RIF1: variants seen among roughly 807,000 people sequenced by gnomAD.
RIF1 encodes the protein replication timing regulatory factor 1.
In RIF1, 45 loss-of-function variants were observed where a neutral mutation model predicts 247.1. That is an observed-to-expected ratio of 0.18 (90% CI 0.14 to 0.23). The LOEUF (loss-of-function observed/expected upper bound fraction) is 0.23, where lower values mean the gene tolerates loss of function less well. Among genes scored for constraint, RIF1 ranks in the 10% least tolerant of loss-of-function variants. The pLI is 1.00. For missense variants in RIF1, 2,967 were observed against 2,862.5 expected, an observed-to-expected ratio of 1.04 and a Z score of -0.83; for synonymous variants, 1,087 against 978.8, an observed-to-expected ratio of 1.11 and a Z score of -2.06.
intron 7 of RIF1, among the ~76,000 whole-genome samples, chr2:151,420,899 C>T (rs1276217529): frequency 6.6e-6 from 1 of 152,116 alleles, no homozygotes; most frequent in Admixed American, 6.6e-5. Context: ...TGCTAAAATC[C>T]AGACATTTTA....
intron 33 of RIF1, among the ~76,000 whole-genome samples, chr2:151,469,457 A>T (rs1267782520): frequency 6.6e-6 from 1 of 152,184 alleles, no homozygotes; most frequent in African/African-American, 2.4e-5. Flanking sequence ...CTTAAGAATT[A>T]TCTATTAATG....
chr2:151,412,278 A>G (rs1195896950), intron 3 of RIF1, among the ~76,000 whole-genome samples: 2 of 149,388 alleles, frequency 1.3e-5, no homozygotes, highest in Non-Finnish European at 3.0e-5. Context: ...TCTCATTTTT[A>G]TGACCTTGTT....
rs190639551 is a variant in RIF1 at position 151,413,682 on chromosome 2, C to G, written c.184-1141C>G. On this transcript the variant is annotated intron_variant, in intron 3 of 35. Transcript: ENST00000444746. ...GTATTAAGCCTTACTTAGTTGCTTACAACTGGTTGCTGTGCTATATCCCTT... is the reference window on the plus strand; with the variant it reads ...GTATTAAGCCTTACTTAGTTGCTTAGAACTGGTTGCTGTGCTATATCCCTT... 3.2e-3 allele frequency among the ~76,000 whole-genome samples: 494 copies of G among 152,340 alleles called. 4 individuals carry two copies. Among genetic ancestry groups the G allele is most frequent in the African/African-American group, 0.011 (468 of 41,586 alleles).
chr2:151,511,898 A>G (rs1329428650), downstream of RIF1, among the ~76,000 whole-genome samples: 1 of 152,192 alleles, frequency 6.6e-6, no homozygotes, highest in Non-Finnish European at 1.5e-5. Flanking sequence ...AAGCCACATC[A>G]TAAGAGATTT....
chr2:151,410,673 C>CG (rs1573815810), intron 2 of RIF1, 146 bp downstream of exon 2: 8 of 672,506 alleles, frequency 1.2e-5, no homozygotes, highest in Admixed American at 2.6e-5. Context: ...CCTTGGGGGG[C>CG]GGGGGAGATG....
the RIF1 span, chr2:151,524,317 G>A: frequency 6.2e-7 from 1 of 1,613,534 alleles, no homozygotes; most frequent in East Asian, 2.2e-5. Context: ...TTACCTGGCT[G>A]CTCAGCTTGG....
chr2:151,459,936 T>C, intron 25 of RIF1, 64 bp from the exon 26 acceptor site: 1 of 1,323,814 alleles, frequency 7.6e-7, no homozygotes, highest in South Asian at 1.4e-5. Context: ...TTTCAAAACG[T>C]GAAAAGGAAA....
At chr2:151,505,778 C>A (rs2068365417) in intron 12 of RIF1, among the ~76,000 whole-genome samples, 1 of 152,132 alleles carries the variant, frequency 6.6e-6, no homozygotes, top group Non-Finnish European at 1.5e-5. Flanking sequence ...GTCTCTCTCT[C>A]GTCTCTTTGG....
At chr2:151,446,646 A>G (rs1693319927) in intron 20 of RIF1, 71 bp downstream of exon 20, 6 of 1,461,398 alleles carry the variant, frequency 4.1e-6, no homozygotes, top group African/African-American at 1.4e-5. Context: ...TGGAGATAAT[A>G]TTTGTGAACT....
intron 3 of RIF1, among the ~76,000 whole-genome samples, chr2:151,413,756 T>G (rs558614090): frequency 8.5e-5 from 13 of 152,338 alleles, no homozygotes; most frequent in African/African-American, 3.1e-4. Flanking sequence ...TTTGTAAATA[T>G]AGAAGACACT....
intron 9 of RIF1, among the ~76,000 whole-genome samples, chr2:151,432,828 A>C (rs1351748848): frequency 6.6e-6 from 1 of 152,182 alleles, no homozygotes; most frequent in African/African-American, 2.4e-5. Flanking sequence ...CCCGGCACAC[A>C]ATATCTAATA....
chr2:151,457,657 G>A lies in RIF1; in HGVS notation c.2653-104G>A, dbSNP rs1172867424. On this transcript the variant is annotated intron_variant, in intron 23 of 35. Coordinates refer to ENST00000444746, the MANE Select transcript of RIF1 (RefSeq NM_018151.5). ...GATATATATTTAAGGCAACAGTGGGGGTTAGTTTAAAATTGTCTTAATTTT... is the reference window on the plus strand; with the variant it reads ...GATATATATTTAAGGCAACAGTGGGAGTTAGTTTAAAATTGTCTTAATTTT... 8.0e-6 allele frequency: 6 copies of A among 748,738 alleles called. No homozygotes were observed. In the Admixed American group the frequency reaches 1.3e-4, roughly 16 times the overall value. 46.4% of individuals were successfully genotyped at this position (748,738 alleles called of 1,614,324 possible).
downstream of RIF1, among the ~76,000 whole-genome samples, chr2:151,509,127 TA>T (rs1559371156): frequency 6.6e-6 from 1 of 152,194 alleles, no homozygotes; most frequent in Non-Finnish European, 1.5e-5. Context: ...ATTACATTTA[TA>T]AGTATTGAAA....
chr2:151,514,894 T>A, the RIF1 span: 1 of 1,583,336 alleles, frequency 6.3e-7, no homozygotes, highest in South Asian at 1.2e-5. Flanking sequence ...GTTTCTGCCT[T>A]TAATGGACTC....
At chr2:151,451,937 C>G (rs1694382484) in intron 21 of RIF1, among the ~76,000 whole-genome samples, 1 of 152,098 alleles carries the variant, frequency 6.6e-6, no homozygotes. Context: ...TTTCTTTACT[C>G]CTTTTTACAA....
rs1482126650 is a variant in RIF1, at chr2:151,465,726, A to T, written c.6206A>T (p.Asp2069Val). 1 of 1,614,234 alleles carries T rather than the reference A, an allele frequency of 6.2e-7. No homozygotes were observed. Among genetic ancestry groups the T allele is most frequent in the Admixed American group, 1.7e-5 (1 of 60,026 alleles). Residue 2069 changes from aspartate to valine, a missense_variant, in exon 30 of 36, where the codon GAC (aspartate) becomes GTC (valine). Asp to Val is a radical substitution (Grantham distance 152). Transcript: ENST00000444746. ...LTAEMDNFVC[D>V]TVEMSTEEGI... ...GCAGAAATGGACAACTTTGTTTGTG[A>T]CACAGTTGAAATGAGCACTGAAGAA...
chr2:151,519,828 G>A, the RIF1 span: 1 of 1,129,230 alleles, frequency 8.9e-7, no homozygotes, highest in Non-Finnish European at 1.3e-6. Context: ...GGGAATTGGG[G>A]AATAGTAGAA....
chr2:151,459,229 G>C (rs1695727763), intron 25 of RIF1, among the ~76,000 whole-genome samples: 1 of 152,116 alleles, frequency 6.6e-6, no homozygotes, highest in South Asian at 2.1e-4. Flanking sequence ...CAGAGCTGCT[G>C]TTCATTTTCT....
In RIF1 at chr2:151,478,591, A is replaced by G. The variant is rs563375142; in HGVS notation, c.*3520A>G. 1 of 152,334 alleles carries G rather than the reference A, an allele frequency of 6.6e-6. No homozygotes were observed. The highest frequency in any genetic ancestry group is 2.4e-5 in the African/African-American group (1 of 41,576). The allele number at this position is 152,334 out of a possible 1,614,324, so 9.4% of individuals were successfully genotyped here. A position where few individuals can be genotyped will look rare whatever the true frequency, so the allele number is the denominator to read the frequency against. On this transcript the variant is annotated 3_prime_UTR_variant, in exon 36 of 36. Transcript: ENST00000444746. Reference sequence around the variant, plus strand: ...CAATTTAAACATCATAAAAATGTGAAGAGTAAGTGGTGAGGCAAGAAACAA... The same window carrying G: ...CAATTTAAACATCATAAAAATGTGAGGAGTAAGTGGTGAGGCAAGAAACAA...
Sources: gnomAD v4.1 joint callset for allele counts (sites outside exome capture counted in the v4.1 genomes callset) on GRCh38, gnomAD v4.1.1 for gene constraint, MANE v1.5 for transcripts, NCBI Gene and HGNC (gene_info 2026-07-23, HGNC 2026-07-21) for gene names.